Variants in REPS1 observed in about 807,000 individuals in gnomAD.
The protein encoded by REPS1 is RALBP1 associated Eps domain containing 1, also known as ralBP1-associated Eps domain-containing protein 1.
REPS1 carries 39 observed loss-of-function variants against 100.9 expected under a neutral mutation model. The observed-to-expected ratio is 0.39, with a 90% CI of 0.30 to 0.50. REPS1 has a LOEUF of 0.50. REPS1 is among the 20% of genes least tolerant of loss of function. The pLI is 0.86. For missense variants in REPS1, 821 were observed against 968.5 expected, an observed-to-expected ratio of 0.85 and a Z score of 2.02; for synonymous variants, 324 against 340.3, an observed-to-expected ratio of 0.95 and a Z score of 0.53.
chr6:138,944,667 A>G, intron 4 of REPS1, 45 bp from the exon 5 acceptor site: 1 of 1,571,866 alleles, frequency 6.4e-7, no homozygotes, highest in Non-Finnish European at 8.6e-7. Context: ...TTTGAGGAAA[A>G]AAGTTACTAG....
intron 19 of REPS1, among the ~76,000 whole-genome samples, chr6:138,906,738 C>A (rs1376026673): frequency 1.3e-5 from 2 of 152,200 alleles, no homozygotes; most frequent in South Asian, 2.1e-4. Context: ...TCTCCACTGC[C>A]TGGAAGCTTA....
In REPS1 at chr6:138,907,488, A is replaced by G. The variant is rs1779738000; in HGVS notation, c.2322+7T>C. On this transcript the variant is annotated splice_region_variant and intron_variant, in intron 19 of 19. Coordinates refer to ENST00000450536, the MANE Select transcript of REPS1 (RefSeq NM_001286611.2). ...GGAACATTATAAAGATTCAGAAACT[A>G]TATTACCTTTAATTGTTGCTGCAAT... 3.1e-6 allele frequency: 5 copies of G among 1,593,148 alleles called. No homozygotes were observed. The highest frequency in any genetic ancestry group is 1.1e-5 in the South Asian group (1 of 90,650).
In REPS1 at chr6:138,917,638, G is replaced by A. The variant is rs1348788084; in HGVS notation, c.1529-11C>T. The A allele has an allele frequency of 2.5e-6, 4 of 1,602,572 alleles. No homozygotes were observed. The highest frequency in any genetic ancestry group is 3.4e-6 in the Non-Finnish European group (4 of 1,170,414). On this transcript the variant is annotated splice_polypyrimidine_tract_variant and intron_variant, in intron 12 of 19. Coordinates refer to ENST00000450536, the MANE Select transcript of REPS1 (RefSeq NM_001286611.2). ...TACTGTAACCATCTGCTGATAAATG[G>A]GATATGTCCTATTTAATAATAATCA...
chr6:138,960,215 G>C (rs1327975380), intron 1 of REPS1, among the ~76,000 whole-genome samples: 1 of 152,086 alleles, frequency 6.6e-6, no homozygotes, highest in African/African-American at 2.4e-5. Context: ...AGAGCCAATG[G>C]TCTATGTATC....
chr6:138,981,203 C>T (rs1784931531), intron 1 of REPS1, among the ~76,000 whole-genome samples: 1 of 152,148 alleles, frequency 6.6e-6, no homozygotes, highest in Non-Finnish European at 1.5e-5. Flanking sequence ...TAAATTCTGT[C>T]TTCATTATTT....
Position 138,904,072 on chromosome 6 carries a change from T to C in REPS1, c.*992A>G, listed in dbSNP as rs1247029629. ...CCACACTTCTGATTCTGCCAAGATA[T>C]ATCCATGCAGTTTAAAATCTATGAT... On this transcript the variant is annotated 3_prime_UTR_variant, in exon 20 of 20. Transcript: ENST00000450536. The C allele has an allele frequency of 6.6e-6, 1 of 152,198 alleles. No individual in the cohort carries two copies. The allele number at this position is 152,198 out of a possible 1,614,324, so 9.4% of individuals were successfully genotyped here.
intron 2 of REPS1, among the ~76,000 whole-genome samples, chr6:138,947,035 G>GCTCTCTCTCTCGCTCT (rs1782664341): frequency 2.2e-5 from 3 of 137,636 alleles, no homozygotes; most frequent in Non-Finnish European, 4.6e-5. Context: ...ATTCCCCCTT[G>GCTCTCTCTCTCGCTCT]CTCTCTCTCT....
chr6:138,935,858 G>C (rs1256237187), intron 8 of REPS1, among the ~76,000 whole-genome samples: 1 of 109,122 alleles, frequency 9.2e-6, no homozygotes, highest in Non-Finnish European at 1.8e-5. Context: ...CATCTTGGCG[G>C]GGGGGGGGGG....
At chr6:138,917,733 C>A in intron 12 of REPS1, 106 bp from the exon 13 acceptor site, 2 of 841,060 alleles carry the variant, frequency 2.4e-6, no homozygotes, top group South Asian at 1.6e-5. Flanking sequence ...CAGAGATAGT[C>A]AAAGATTGGC....
intron 1 of REPS1, among the ~76,000 whole-genome samples, chr6:138,985,692 T>G (rs1014927104): frequency 1.3e-5 from 2 of 152,230 alleles, no homozygotes; most frequent in South Asian, 4.1e-4. Context: ...TCTCTCTTTA[T>G]GCCAAAAGAC....
At position 138,904,456 on chromosome 6, in the gene REPS1, G is replaced by A. The variant is rs917639072; in HGVS notation, c.*608C>T. ...AAAATAGTTCGAAGTCGCTGATGAAGTTGATCACATTTCCACAAGGAAAAT... is the reference window on the plus strand; with the variant it reads ...AAAATAGTTCGAAGTCGCTGATGAAATTGATCACATTTCCACAAGGAAAAT... On this transcript the variant is annotated 3_prime_UTR_variant, in exon 20 of 20. Transcript: ENST00000450536. The A allele has an allele frequency of 6.6e-6, 1 of 152,204 alleles. No homozygotes were observed. Among genetic ancestry groups the A allele is most frequent in the African/African-American group, 2.4e-5 (1 of 41,452 alleles). The allele number at this position is 152,204 out of a possible 1,614,324, so 9.4% of individuals were successfully genotyped here. A position where few individuals can be genotyped will look rare whatever the true frequency, so the allele number is the denominator to read the frequency against.
chr6:138,929,877 T>C, intron 9 of REPS1, 100 bp downstream of exon 9: 1 of 1,129,942 alleles, frequency 8.9e-7, no homozygotes, highest in Non-Finnish European at 1.3e-6. Flanking sequence ...CTCTCAATTA[T>C]GCATGCATGC....
chr6:138,948,915 G>C (rs1194853942), intron 1 of REPS1, among the ~76,000 whole-genome samples: 1 of 152,184 alleles, frequency 6.6e-6, no homozygotes, highest in East Asian at 1.9e-4. Flanking sequence ...ACAAAAAAGA[G>C]TCATTTTTGC....
In REPS1 at chr6:138,907,313, A is replaced by T. The variant is rs867802165; in HGVS notation, c.2322+182T>A. On this transcript the variant is annotated intron_variant, in intron 19 of 19. Coordinates refer to ENST00000450536, the MANE Select transcript of REPS1 (RefSeq NM_001286611.2). The stretch of plus-strand genomic sequence containing the variant: ...GTGTCTCTTTAAAAAAAAAAAAAAA[A>T]GTGTGTGTGTGTGTGTGTGTGTGTG... 2.9e-3 allele frequency: 387 copies of T among 134,786 alleles called. 1 individual carries two copies. Among genetic ancestry groups the T allele is most frequent in the Middle Eastern group, 5.2e-3 (2 of 386 alleles). 8.3% of individuals were successfully genotyped at this position (134,786 alleles called of 1,614,324 possible). A position where few individuals can be genotyped will look rare whatever the true frequency, so the allele number is the denominator to read the frequency against.
Position 138,914,776 on chromosome 6 carries a change from A to G in REPS1, c.1721-15T>C, listed in dbSNP as rs754405663. 6.2e-7 allele frequency: 1 copy of G among 1,607,128 alleles called. No homozygotes were observed. ...CTGTTGTTGTCCTGCATGAATACAA[A>G]AGTTCTTCTTTTTAGTAACTGTATA... On this transcript the variant is annotated splice_polypyrimidine_tract_variant and intron_variant, in intron 14 of 19. Transcript: ENST00000450536.
At chr6:138,951,470 T>C (rs912607972) in intron 1 of REPS1, among the ~76,000 whole-genome samples, 4 of 152,178 alleles carry the variant, frequency 2.6e-5, no homozygotes, top group Admixed American at 6.5e-5. Flanking sequence ...TGAATTTCAT[T>C]TAGACGTGGT....
chr6:138,904,967 T>G lies in REPS1; in HGVS notation c.*97A>C. The G allele has an allele frequency of 2.3e-6, 2 of 851,630 alleles. No homozygotes were observed. Among genetic ancestry groups the G allele is most frequent in the Non-Finnish European group, 3.9e-6 (2 of 513,682 alleles). The allele number at this position is 851,630 out of a possible 1,614,324, so 52.8% of individuals were successfully genotyped here. On this transcript the variant is annotated 3_prime_UTR_variant, in exon 20 of 20. Coordinates refer to ENST00000450536, the MANE Select transcript of REPS1 (RefSeq NM_001286611.2). ...CAAAACAGAATCATAAAATTTAATGTTGAGTTAAGCAGTGAGCTGAATGTC... is the reference window on the plus strand; with the variant it reads ...CAAAACAGAATCATAAAATTTAATGGTGAGTTAAGCAGTGAGCTGAATGTC...
chr6:138,946,069 T>C (rs1306304843), intron 2 of REPS1, among the ~76,000 whole-genome samples: 2 of 152,292 alleles, frequency 1.3e-5, no homozygotes, highest in East Asian at 1.9e-4. Flanking sequence ...AAGGTCATGC[T>C]TGTAGTAACT....
At chr6:138,955,187 C>G (rs990442712) in intron 1 of REPS1, among the ~76,000 whole-genome samples, 5 of 151,998 alleles carry the variant, frequency 3.3e-5, no homozygotes, top group Non-Finnish European at 7.4e-5. Flanking sequence ...TGATGGCTCA[C>G]ACCTGTAATC....
Sources: allele counts gnomAD v4.1 joint callset (sites outside exome capture counted in the v4.1 genomes callset), GRCh38; gene constraint gnomAD v4.1.1; transcripts MANE v1.5; gene names NCBI Gene and HGNC (gene_info 2026-07-23, HGNC 2026-07-21).